The following SIDT1 variants were observed in gnomAD, a reference collection of about 807,000 sequenced individuals.
SIDT1 encodes SID1 transmembrane family member 1.
In SIDT1, 101 loss-of-function variants were observed where a neutral mutation model predicts 107.5. The observed-to-expected ratio is 0.94, with a 90% CI of 0.80 to 1.11. The LOEUF (loss-of-function observed/expected upper bound fraction) is 1.11. Ranked by LOEUF, SIDT1 falls within the 50% of genes least tolerant of loss-of-function variation. The pLI is 0.00. For missense variants in SIDT1, 1,076 were observed against 1,058.2 expected, an observed-to-expected ratio of 1.02 and a Z score of -0.23; for synonymous variants, 395 against 398.2, an observed-to-expected ratio of 0.99 and a Z score of 0.10.
In SIDT1 at chr3:113,623,521, A is replaced by C; in HGVS notation, c.2185A>C (p.Ile729Leu). ...CCTTTTGCTGTACCTGGCCTTTTAC[A>C]TCATCATGAAGGTAAGAGCGGGTGC... The part of the protein sequence containing the change: ...CNLLLYLAFY[I>L]IMKLRSSEKV... Residue 729 changes from isoleucine to leucine, a missense_variant, in exon 22 of 25, where the codon ATC (isoleucine) becomes CTC (leucine). Transcript: ENST00000264852. 1 of 1,613,314 alleles carries C rather than the reference A, an allele frequency of 6.2e-7. No homozygotes were observed. The highest frequency in any genetic ancestry group is 1.1e-5 in the South Asian group (1 of 91,080).
intron 17 of SIDT1, among the ~76,000 whole-genome samples, chr3:113,608,877 C>T (rs1407089886): frequency 2.0e-5 from 3 of 152,072 alleles, no homozygotes; most frequent in African/African-American, 4.8e-5. Flanking sequence ...GGCTATCTTC[C>T]CTGCTGGTGG....
At chr3:113,544,300 C>T (rs1003677567) in intron 1 of SIDT1, among the ~76,000 whole-genome samples, 2 of 152,064 alleles carry the variant, frequency 1.3e-5, no homozygotes, top group Non-Finnish European at 2.9e-5. Flanking sequence ...AAGCTAGTCC[C>T]CTGCCTCAGC....
At chr3:113,618,446 G>A (rs1035236026) in intron 20 of SIDT1, among the ~76,000 whole-genome samples, 5 of 152,154 alleles carry the variant, frequency 3.3e-5, no homozygotes, top group Admixed American at 1.3e-4. Context: ...ATATCAAAGG[G>A]AGCTATTGCT....
intron 12 of SIDT1, 88 bp downstream of exon 12, chr3:113,603,238 T>G (rs1237065472): frequency 7.1e-7 from 1 of 1,410,214 alleles, no homozygotes; most frequent in Non-Finnish European, 9.7e-7. Context: ...TTCCTTTATT[T>G]TGTTTCCTTC....
At chr3:113,612,024 T>G in intron 18 of SIDT1, 62 bp from the exon 19 acceptor site, 1 of 1,192,384 alleles carries the variant, frequency 8.4e-7, no homozygotes, top group Non-Finnish European at 1.3e-6. Flanking sequence ...GGAGAGAGGA[T>G]GATTTTGATG....
chr3:113,534,634 G>T (rs1447114689), intron 1 of SIDT1, among the ~76,000 whole-genome samples: 1 of 152,194 alleles, frequency 6.6e-6, no homozygotes, highest in African/African-American at 2.4e-5. Flanking sequence ...CATGTTGCAC[G>T]TGAGGTGTGT....
chr3:113,604,955 G>C lies in SIDT1; in HGVS notation c.1383G>C (p.Gln461His). 6.2e-7 allele frequency: 1 copy of C among 1,613,948 alleles called. No individual in the cohort carries two copies. The highest frequency in any genetic ancestry group is 8.5e-7 in the Non-Finnish European group (1 of 1,180,016). ...TGTTTTACGCGCTGCCCGTGATCCAGCTGGTCATTACCTATCAGACAGTAA... is the reference window on the plus strand; with the variant it reads ...TGTTTTACGCGCTGCCCGTGATCCACCTGGTCATTACCTATCAGACAGTAA... ...IAVFYALPVI[Q>H]LVITYQTVVN... The change falls in exon 14 of 25, where the codon CAG becomes CAC. Residue 461 changes from glutamine (Q) to histidine (H), a missense_variant. Transcript: ENST00000264852.
intron 1 of SIDT1, among the ~76,000 whole-genome samples, chr3:113,533,592 A>G (rs1937732419): frequency 6.6e-6 from 1 of 152,210 alleles, no homozygotes; most frequent in South Asian, 2.1e-4. Flanking sequence ...TGCGAAGAAG[A>G]ACCGCACCTC....
At chr3:113,592,926 C>A in intron 9 of SIDT1, 79 bp from the exon 10 acceptor site, 1 of 1,184,488 alleles carries the variant, frequency 8.4e-7, no homozygotes, top group Non-Finnish European at 1.3e-6. Context: ...GACAAATCCG[C>A]AACAAAATCT....
At chr3:113,554,807 C>T (rs9860473) in intron 1 of SIDT1, among the ~76,000 whole-genome samples, 9,367 of 151,962 alleles carry the variant, frequency 0.062, 525 homozygotes, top group African/African-American at 0.15. Flanking sequence ...CTCATCCCCC[C>T]TCTTATTTTT....
chr3:113,558,535 G>C lies in SIDT1; in HGVS notation c.223-7885G>C, dbSNP rs556640324. Reference sequence around the variant, plus strand: ...CAGAAAGCAAACAATGTCTCCTCGTGGAGTAAAGGAAAGACAGACTTACTG... The same window carrying C: ...CAGAAAGCAAACAATGTCTCCTCGTCGAGTAAAGGAAAGACAGACTTACTG... On this transcript the variant is annotated intron_variant, in intron 1 of 24. Transcript: ENST00000264852. Among the ~76,000 whole-genome samples, 54 of 152,270 alleles carry C rather than the reference G, an allele frequency of 3.5e-4. 3 individuals are homozygous for C. In the South Asian group the frequency reaches 1.0e-2, roughly 28 times the overall value.
intron 7 of SIDT1, 35 bp downstream of exon 7, chr3:113,583,531 A>G: frequency 6.7e-7 from 1 of 1,489,216 alleles, no homozygotes; most frequent in South Asian, 1.3e-5. Context: ...GCTGCTTAGC[A>G]AAACCTGAAG....
At chr3:113,606,990 T>C (rs1284457607) in intron 14 of SIDT1, 51 bp from the exon 15 acceptor site, 3 of 1,166,358 alleles carry the variant, frequency 2.6e-6, no homozygotes, top group East Asian at 2.3e-5. Flanking sequence ...CTGCTGGGGC[T>C]CAGAGGACGG....
At chr3:113,623,832 A>G (rs1358760535) in intron 23 of SIDT1, 99 bp downstream of exon 23, 2 of 776,448 alleles carry the variant, frequency 2.6e-6, no homozygotes, top group Non-Finnish European at 4.3e-6. Flanking sequence ...ACAGTGTCTA[A>G]AATGAAAGTT....
chr3:113,619,672 T>C lies in SIDT1; in HGVS notation c.2044-8T>C. 6.2e-7 allele frequency: 1 copy of C among 1,613,748 alleles called. No individual in the cohort carries two copies. The highest frequency in any genetic ancestry group is 8.5e-7 in the Non-Finnish European group (1 of 1,179,664). On this transcript the variant is annotated splice_region_variant and splice_polypyrimidine_tract_variant and intron_variant, in intron 20 of 24. Coordinates refer to ENST00000264852, the MANE Select transcript of SIDT1 (RefSeq NM_017699.3). Reference sequence around the variant, plus strand: ...CTCTCATTTGATGTTTTCTTTCCTCTTTTCCAGGATAGAATGGTGTTGCTG... The same window carrying C: ...CTCTCATTTGATGTTTTCTTTCCTCCTTTCCAGGATAGAATGGTGTTGCTG...
At chr3:113,612,886 A>T (rs1308300975) in intron 19 of SIDT1, among the ~76,000 whole-genome samples, 1 of 152,234 alleles carries the variant, frequency 6.6e-6, no homozygotes, top group Non-Finnish European at 1.5e-5. Context: ...AAACATAGGC[A>T]AACTTCTGAT....
At chr3:113,626,847 T>C (rs902649431) in intron 24 of SIDT1, among the ~76,000 whole-genome samples, 1 of 152,158 alleles carries the variant, frequency 6.6e-6, no homozygotes, top group Admixed American at 6.5e-5. Flanking sequence ...GCAGGTTCAA[T>C]TGACAATTAA....
chr3:113,558,744 A>T (rs1941138996), intron 1 of SIDT1, among the ~76,000 whole-genome samples: 1 of 152,230 alleles, frequency 6.6e-6, no homozygotes. Context: ...TTTCCAACCC[A>T]GGAGACTTGT....
chr3:113,554,608 G>A (rs1173118014), intron 1 of SIDT1, among the ~76,000 whole-genome samples: 2 of 152,180 alleles, frequency 1.3e-5, no homozygotes, highest in Admixed American at 1.3e-4. Context: ...CCCCAGCCAT[G>A]TGGAACCATA....
Sources: allele counts gnomAD v4.1 joint callset (sites outside exome capture counted in the v4.1 genomes callset), GRCh38; gene constraint gnomAD v4.1.1; transcripts MANE v1.5; gene names NCBI Gene and HGNC (gene_info 2026-07-23, HGNC 2026-07-21).